The following FSTL5 variants were observed in gnomAD, a reference collection of about 807,000 sequenced individuals.
FSTL5 encodes the protein follistatin-related protein 5.
In FSTL5, 62 loss-of-function variants were observed where a neutral mutation model predicts 89.1. The observed-to-expected ratio is 0.70, with a 90% confidence interval of 0.57 to 0.86. FSTL5 has a LOEUF of 0.86. Among genes scored for constraint, FSTL5 ranks in the 40% least tolerant of loss-of-function variants. The pLI is 0.00. For synonymous variants in FSTL5, 383 were observed against 346.2 expected, an observed-to-expected ratio of 1.11 and a Z score of -1.18; for missense variants, 1,057 against 1,001.6, an observed-to-expected ratio of 1.06 and a Z score of -0.75.
At chr4:161,729,352 C>T (rs911753471) in intron 6 of FSTL5, among the ~76,000 whole-genome samples, 2 of 152,128 alleles carry the variant, frequency 1.3e-5, no homozygotes, top group African/African-American at 4.8e-5. Flanking sequence ...CATCAATTTT[C>T]CTGTGAGTTT....
chr4:161,813,858 A>G (rs912882441), intron 4 of FSTL5, among the ~76,000 whole-genome samples: 6 of 152,212 alleles, frequency 3.9e-5, no homozygotes, highest in Admixed American at 2.6e-4. Context: ...AAGATGAAGT[A>G]CAAAGTATAT....
rs359136 is a variant in FSTL5, at chr4:161,819,798, A to T, written c.410-43724T>A. 7.9e-3 allele frequency among the ~76,000 whole-genome samples: 1,203 copies of T among 152,190 alleles called. 17 individuals carry two copies. Among genetic ancestry groups the T allele is most frequent in the African/African-American group, 0.027 (1,131 of 41,550 alleles). On this transcript the variant is annotated intron_variant, in intron 4 of 15. Coordinates refer to ENST00000306100, the MANE Select transcript of FSTL5 (RefSeq NM_020116.5). ...ATAAAACTGGGGTAAAAAATATATG[A>T]TTAACTCATCTTTAGTAATAGTAAT...
At chr4:161,437,305 G>A (rs940161287) in intron 15 of FSTL5, among the ~76,000 whole-genome samples, 3 of 152,010 alleles carry the variant, frequency 2.0e-5, no homozygotes, top group African/African-American at 7.2e-5. Context: ...AGTGGCTCAC[G>A]CCTGTAATCC....
intron 6 of FSTL5, among the ~76,000 whole-genome samples, chr4:161,721,772 G>T (rs1480676544): frequency 6.6e-6 from 1 of 152,160 alleles, no homozygotes; most frequent in Non-Finnish European, 1.5e-5. Context: ...TCCCATATAG[G>T]CAAGCTTTTC....
chr4:161,871,667 T>G (rs192072728), intron 4 of FSTL5, among the ~76,000 whole-genome samples: 42 of 152,316 alleles, frequency 2.8e-4, no homozygotes, highest in Admixed American at 2.6e-3. Flanking sequence ...GCTTGTTTGA[T>G]CAAAGGCTTA....
chr4:161,902,963 A>T (rs143291513), intron 4 of FSTL5, among the ~76,000 whole-genome samples: 1 of 152,166 alleles, frequency 6.6e-6, no homozygotes, highest in Admixed American at 6.5e-5. Flanking sequence ...CAATATTAAG[A>T]TTTTCATAAC....
chr4:161,936,683 A>T (rs1393000726), intron 3 of FSTL5, among the ~76,000 whole-genome samples: 2 of 152,138 alleles, frequency 1.3e-5, no homozygotes, highest in African/African-American at 4.8e-5. Context: ...AAATTGCCAG[A>T]TCCCCTCCCT....
At chr4:162,010,348 C>T (rs990418942) in intron 3 of FSTL5, among the ~76,000 whole-genome samples, 1 of 152,076 alleles carries the variant, frequency 6.6e-6, no homozygotes, top group East Asian at 1.9e-4. Flanking sequence ...TTCAGAGATA[C>T]ATTTGATTCT....
At chr4:161,560,492 ACT>A (rs1266464905) in intron 8 of FSTL5, among the ~76,000 whole-genome samples, 1 of 151,752 alleles carries the variant, frequency 6.6e-6, no homozygotes, top group East Asian at 1.9e-4. Context: ...CAACTTTTTG[ACT>A]CTGTAATAAC....
At chr4:161,534,393 C>T (rs561837655) in intron 10 of FSTL5, among the ~76,000 whole-genome samples, 1 of 152,156 alleles carries the variant, frequency 6.6e-6, no homozygotes, top group South Asian at 2.1e-4. Context: ...GGATACAAAA[C>T]CAATATACAA....
chr4:161,818,261 T>G (rs1248889305), intron 4 of FSTL5, among the ~76,000 whole-genome samples: 2 of 152,136 alleles, frequency 1.3e-5, no homozygotes, highest in Non-Finnish European at 2.9e-5. Flanking sequence ...GCAGCCCGAC[T>G]CCAGAGGAAA....
intron 3 of FSTL5, among the ~76,000 whole-genome samples, chr4:161,953,197 A>G (rs967898870): frequency 9.2e-5 from 14 of 151,700 alleles, no homozygotes; most frequent in Non-Finnish European, 1.9e-4. Flanking sequence ...GTATTATAAG[A>G]TTTGTATTCT....
intron 15 of FSTL5, among the ~76,000 whole-genome samples, chr4:161,448,252 A>T (rs9990728): frequency 1.3e-5 from 2 of 152,240 alleles, no homozygotes; most frequent in East Asian, 3.9e-4. Flanking sequence ...ACATTTTTTG[A>T]AACAATTTTA....
chr4:161,638,420 T>C (rs1238364677), intron 7 of FSTL5, among the ~76,000 whole-genome samples: 2 of 152,064 alleles, frequency 1.3e-5, no homozygotes, highest in Non-Finnish European at 2.9e-5. Flanking sequence ...ACAGGGACAA[T>C]TTCACTTCCT....
At chr4:162,080,870 G>A (rs1403371913) in intron 2 of FSTL5, among the ~76,000 whole-genome samples, 1 of 151,528 alleles carries the variant, frequency 6.6e-6, no homozygotes, top group Admixed American at 6.6e-5. Flanking sequence ...TAAATAAATG[G>A]ACTAAAAGGA....
chr4:162,023,122 A>G (rs1737153987), intron 3 of FSTL5, among the ~76,000 whole-genome samples: 1 of 152,132 alleles, frequency 6.6e-6, no homozygotes, highest in Admixed American at 6.6e-5. Context: ...CAGGATTTAC[A>G]AGAAAAGCTA....
At chr4:161,767,327 A>T (rs1246578996) in intron 5 of FSTL5, among the ~76,000 whole-genome samples, 1 of 152,186 alleles carries the variant, frequency 6.6e-6, no homozygotes, top group Non-Finnish European at 1.5e-5. Flanking sequence ...CGATGTACTT[A>T]CAATACTTAT....
chr4:162,111,502 C>T, intron 1 of FSTL5, 90 bp from the exon 2 acceptor site: 2 of 989,808 alleles, frequency 2.0e-6, no homozygotes, highest in Non-Finnish European at 1.4e-6. Flanking sequence ...ACATATAAAT[C>T]TCCATTAATC....
At chr4:161,888,091 T>C (rs1279049920) in intron 4 of FSTL5, among the ~76,000 whole-genome samples, 1 of 152,148 alleles carries the variant, frequency 6.6e-6, no homozygotes, top group Non-Finnish European at 1.5e-5. Context: ...TTGGGTATGT[T>C]TTTATAGCAG....
Sources: allele counts gnomAD v4.1 joint callset (sites outside exome capture counted in the v4.1 genomes callset), GRCh38; gene constraint gnomAD v4.1.1; transcripts MANE v1.5; gene names NCBI Gene and HGNC (gene_info 2026-07-23, HGNC 2026-07-21).